The following DCUN1D4 variants were observed in gnomAD, a reference collection of about 807,000 sequenced individuals.
The protein encoded by DCUN1D4 is DCN1-like protein 4.
DCUN1D4 carries 22 observed loss-of-function variants against 47.9 expected under a neutral mutation model. The ratio of observed to expected loss-of-function variants is 0.46; its 90% CI spans 0.33 to 0.66. The LOEUF (loss-of-function observed/expected upper bound fraction) is 0.66. Ranked by LOEUF, DCUN1D4 falls within the 30% of genes least tolerant of loss-of-function variation. The pLI is 0.02. For synonymous variants in DCUN1D4, 121 were observed against 112.2 expected (o/e 1.08, Z -0.50); for missense variants, 301 against 340.8 (o/e 0.88, Z 0.92).
intron 1 of DCUN1D4, among the ~76,000 whole-genome samples, chr4:51,856,547 A>G (rs1463853192): frequency 6.6e-6 from 1 of 152,142 alleles, no homozygotes; most frequent in African/African-American, 2.4e-5. Context: ...TTCCTATTAC[A>G]GAGTGTAAAG....
At chr4:51,882,305 A>C (rs2110019306) in intron 5 of DCUN1D4, among the ~76,000 whole-genome samples, 1 of 152,340 alleles carries the variant, frequency 6.6e-6, no homozygotes, top group African/African-American at 2.4e-5. Context: ...TCATTTTCCC[A>C]TGTGGCAAAC....
intron 7 of DCUN1D4, among the ~76,000 whole-genome samples, chr4:51,896,481 C>A (rs936754239): frequency 6.6e-6 from 1 of 152,070 alleles, no homozygotes; most frequent in African/African-American, 2.4e-5. Context: ...GGTCCTTGAC[C>A]CTCTTTCCGG....
chr4:51,896,034 G>A (rs1301150559), intron 7 of DCUN1D4, among the ~76,000 whole-genome samples: 1 of 152,124 alleles, frequency 6.6e-6, no homozygotes, highest in Non-Finnish European at 1.5e-5. Context: ...TCAGCAGCCT[G>A]TTTCACTATT....
At chr4:51,890,327 A>G (rs1730225082) in intron 6 of DCUN1D4, among the ~76,000 whole-genome samples, 2 of 152,210 alleles carry the variant, frequency 1.3e-5, no homozygotes, top group African/African-American at 4.8e-5. Flanking sequence ...CCAGTTGGGC[A>G]CAGGGATGGT....
At chr4:51,869,262 T>C (rs932694948) in intron 3 of DCUN1D4, among the ~76,000 whole-genome samples, 2 of 151,774 alleles carry the variant, frequency 1.3e-5, no homozygotes, top group African/African-American at 2.4e-5. Context: ...AGCAGTTCAA[T>C]GATCTGTTCA....
At chr4:51,850,299 G>A (rs553680526) in intron 1 of DCUN1D4, among the ~76,000 whole-genome samples, 3 of 152,290 alleles carry the variant, frequency 2.0e-5, no homozygotes, top group East Asian at 1.9e-4. Context: ...TCTTGAGTTA[G>A]ATGACTTGTT....
chr4:51,908,159 A>G (rs993016398), intron 8 of DCUN1D4, among the ~76,000 whole-genome samples: 13 of 152,194 alleles, frequency 8.5e-5, no homozygotes, highest in African/African-American at 3.1e-4. Flanking sequence ...TTTAATCTGC[A>G]TTAAGGAAGA....
intron 3 of DCUN1D4, among the ~76,000 whole-genome samples, chr4:51,871,576 C>T (rs1411861383): frequency 6.6e-6 from 1 of 152,168 alleles, no homozygotes; most frequent in Admixed American, 6.5e-5. Flanking sequence ...TACTGCTAGA[C>T]TGGAAGCTAA....
intron 1 of DCUN1D4, chr4:51,843,586 ATGGAGG>A (rs1411056128): frequency 1.0e-6 from 1 of 974,654 alleles, no homozygotes; most frequent in Non-Finnish European, 1.2e-6. Context: ...TCCGGGGTGC[ATGGAGG>A]TGGAGGCAGC....
At chr4:51,842,827 C>G (rs1721810086), upstream of DCUN1D4, among the ~76,000 whole-genome samples, 2 of 152,220 alleles carry the variant, frequency 1.3e-5, no homozygotes, top group African/African-American at 4.8e-5. Flanking sequence ...ATCCCGCCCG[C>G]CACTGGGCGG....
At chr4:51,891,571 T>C (rs1240183073) in intron 6 of DCUN1D4, among the ~76,000 whole-genome samples, 189 bp from the exon 7 acceptor site, 1 of 152,206 alleles carries the variant, frequency 6.6e-6, no homozygotes, top group Non-Finnish European at 1.5e-5. Flanking sequence ...GACTATATTG[T>C]CAACTTTTTT....
Position 51,916,381 on chromosome 4 carries a change from C to G in DCUN1D4, c.*2797C>G, listed in dbSNP as rs971916291. On this transcript the variant is annotated 3_prime_UTR_variant, in exon 11 of 11. Coordinates refer to ENST00000334635, the MANE Select transcript of DCUN1D4 (RefSeq NM_001040402.3). Reference sequence around the variant, plus strand: ...TGGTTTCACAATGGATTTATTTTCTCTCTCAGTCTCCATTTTAACAGTGCT... The same window carrying G: ...TGGTTTCACAATGGATTTATTTTCTGTCTCAGTCTCCATTTTAACAGTGCT... 3 of 152,536 alleles carry G rather than the reference C, an allele frequency of 2.0e-5. No homozygotes were observed. The highest frequency in any genetic ancestry group is 4.8e-5 in the African/African-American group (2 of 41,432). 9.4% of individuals were successfully genotyped at this position (152,536 alleles called of 1,614,324 possible).
At chr4:51,882,642 C>T (rs2110021453) in intron 5 of DCUN1D4, among the ~76,000 whole-genome samples, 1 of 152,250 alleles carries the variant, frequency 6.6e-6, no homozygotes, top group East Asian at 1.9e-4. Flanking sequence ...TGGCGGGCAC[C>T]TGTAGTCCCA....
At chr4:51,885,346 G>A (rs561245351) in intron 5 of DCUN1D4, among the ~76,000 whole-genome samples, 1 of 152,282 alleles carries the variant, frequency 6.6e-6, no homozygotes, top group South Asian at 2.1e-4. Flanking sequence ...AAAATTGGTA[G>A]TACACTTGAT....
intron 5 of DCUN1D4, among the ~76,000 whole-genome samples, chr4:51,883,022 A>T (rs1560491240): frequency 6.6e-6 from 1 of 152,216 alleles, no homozygotes. Flanking sequence ...CACAGCCTAA[A>T]TACTTTAGTA....
intron 9 of DCUN1D4, among the ~76,000 whole-genome samples, chr4:51,912,997 A>G (rs1418257995): frequency 1.3e-5 from 2 of 152,206 alleles, no homozygotes; most frequent in Non-Finnish European, 2.9e-5. Flanking sequence ...TGCATTTTAT[A>G]TAAAATGGCT....
At chr4:51,835,823 G>A in the DCUN1D4 span, among the ~76,000 whole-genome samples, 1 of 152,192 alleles carries the variant, frequency 6.6e-6, no homozygotes, top group Non-Finnish European at 1.5e-5. Flanking sequence ...CTAGACCCCT[G>A]TTTGGAGCTG....
intron 5 of DCUN1D4, among the ~76,000 whole-genome samples, chr4:51,880,172 G>T (rs1046699040): frequency 6.6e-6 from 1 of 152,196 alleles, no homozygotes; most frequent in Non-Finnish European, 1.5e-5. Flanking sequence ...CACATAAACT[G>T]AAACTGTAGG....
chr4:51,861,292 C>T lies in DCUN1D4; in HGVS notation c.26-2145C>T, dbSNP rs547736850. 2.5e-4 allele frequency among the ~76,000 whole-genome samples: 38 copies of T among 152,064 alleles called. 1 individual carries two copies. Among genetic ancestry groups the T allele is most frequent in the Admixed American group, 1.8e-3 (27 of 15,282 alleles). ...GCAAGTGTGTGCACACATTTGAATT[C>T]TCTTGGGTGTAGGAAGGGCAGTGGG... On this transcript the variant is annotated intron_variant, in intron 1 of 10. Coordinates refer to ENST00000334635, the MANE Select transcript of DCUN1D4 (RefSeq NM_001040402.3).
Sources: gnomAD v4.1 joint callset for allele counts (sites outside exome capture counted in the v4.1 genomes callset) on GRCh38, gnomAD v4.1.1 for gene constraint, MANE v1.5 for transcripts, NCBI Gene and HGNC (gene_info 2026-07-23, HGNC 2026-07-21) for gene names.